CAPN14: variants seen among roughly 807,000 people sequenced by gnomAD.
The protein encoded by CAPN14 is calpain 14, also known as calpain-14.
CAPN14 carries 94 observed loss-of-function variants against 101.3 expected under a neutral mutation model. The observed-to-expected ratio is 0.93, with a 90% CI of 0.79 to 1.10. The LOEUF is 1.10. Ranked by LOEUF, CAPN14 falls within the 50% of genes least tolerant of loss-of-function variation. The probability of loss-of-function intolerance (pLI) is 0.00; values close to 1 mark genes in which losing one functional copy is unlikely to be tolerated. For synonymous variants in CAPN14, 338 were observed against 317.9 expected (o/e 1.06, Z -0.67); for missense variants, 837 against 828.4 (o/e 1.01, Z -0.13).
At chr2:31,205,668 C>G (rs1175264016) in intron 1 of CAPN14, among the ~76,000 whole-genome samples, 169 bp from the exon 2 acceptor site, 1 of 152,138 alleles carries the variant, frequency 6.6e-6, no homozygotes, top group East Asian at 1.9e-4. Flanking sequence ...TCCTTGAGCA[C>G]TCACTCAAGT....
chr2:31,193,100 CT>C, intron 10 of CAPN14, 30 bp downstream of exon 10: 3 of 1,535,372 alleles, frequency 2.0e-6, no homozygotes, highest in Non-Finnish European at 2.6e-6. Flanking sequence ...CAACCTCACC[CT>C]GAGAGCCCTG....
chr2:31,176,256 G>C (rs754679516), intron 21 of CAPN14, among the ~76,000 whole-genome samples: 14 of 152,202 alleles, frequency 9.2e-5, no homozygotes, highest in Middle Eastern at 3.2e-3. Context: ...AGCCAGCTGA[G>C]ATCCACTGAC....
At chr2:31,219,618 A>G (rs1006943465), upstream of CAPN14, among the ~76,000 whole-genome samples, 1 of 152,228 alleles carries the variant, frequency 6.6e-6, no homozygotes, top group Non-Finnish European at 1.5e-5. Context: ...GAACCGGAGC[A>G]CTTGCTAGAG....
At chr2:31,227,036 G>A (rs573705467) in intron 1 of CAPN14, among the ~76,000 whole-genome samples, 92 of 152,228 alleles carry the variant, frequency 6.0e-4, no homozygotes, top group African/African-American at 2.1e-3. Context: ...AGATGCCCAC[G>A]CTCTGGAAAC....
At chr2:31,188,287 C>G in intron 14 of CAPN14, 31 bp downstream of exon 14, 1 of 1,544,772 alleles carries the variant, frequency 6.5e-7, no homozygotes, top group Non-Finnish European at 8.8e-7. Context: ...AAAGCAGTCC[C>G]AGCCATATGG....
intron 7 of CAPN14, among the ~76,000 whole-genome samples, chr2:31,198,515 G>C (rs1256878353): frequency 1.3e-5 from 2 of 152,302 alleles, no homozygotes; most frequent in East Asian, 3.9e-4. Context: ...AGGATGAAAT[G>C]AGTCCACGTT....
intron 1 of CAPN14, among the ~76,000 whole-genome samples, chr2:31,213,687 A>AACATTT (rs1682508780): frequency 6.6e-6 from 1 of 152,188 alleles, no homozygotes; most frequent in Admixed American, 6.5e-5. Flanking sequence ...ATAGACCCTT[A>AACATTT]ACATTTACAG....
At chr2:31,178,095 C>T (rs1680403511) in intron 18 of CAPN14, among the ~76,000 whole-genome samples, 1 of 152,182 alleles carries the variant, frequency 6.6e-6, no homozygotes, top group Admixed American at 6.5e-5. Context: ...TTAGTGCAAG[C>T]ACATTATCCA....
At chr2:31,191,894 A>C (rs1347084414) in intron 11 of CAPN14, 41 bp downstream of exon 11, 1 of 1,494,088 alleles carries the variant, frequency 6.7e-7, no homozygotes, top group South Asian at 1.3e-5. Flanking sequence ...GGTGACCCCC[A>C]CGCTTGGTCC....
At chr2:31,196,718 A>G (rs1681486487) in intron 8 of CAPN14, among the ~76,000 whole-genome samples, 1 of 152,188 alleles carries the variant, frequency 6.6e-6, no homozygotes, top group Non-Finnish European at 1.5e-5. Flanking sequence ...ATTAGGCAGA[A>G]ACAACCTAAA....
chr2:31,223,054 T>A (rs1377324112), intron 2 of CAPN14, among the ~76,000 whole-genome samples: 1 of 152,216 alleles, frequency 6.6e-6, no homozygotes, highest in East Asian at 1.9e-4. Context: ...AACCCAGCTA[T>A]GCTGGTGCCG....
chr2:31,216,063 T>C (rs1682631204), intron 1 of CAPN14, among the ~76,000 whole-genome samples: 1 of 152,136 alleles, frequency 6.6e-6, no homozygotes, highest in Admixed American at 6.5e-5. Context: ...ATATTAATAA[T>C]AGTGATAACC....
intron 1 of CAPN14, among the ~76,000 whole-genome samples, chr2:31,210,460 CATAAAATAAAATAAAATAAAAT>C (rs1682340079): frequency 1.3e-5 from 2 of 150,614 alleles, no homozygotes; most frequent in Non-Finnish European, 3.0e-5. Context: ...AAAAATAAAA[CATAAAATAAAATAAAATAAAAT>C]AAAATAAAAG....
chr2:31,180,018 AT>A (rs987821973), intron 17 of CAPN14, among the ~76,000 whole-genome samples: 6 of 152,150 alleles, frequency 3.9e-5, no homozygotes, highest in Non-Finnish European at 7.4e-5. Context: ...TGCCTTTTAC[AT>A]TTTTTTAAGT....
At chr2:31,192,650 C>A (rs1473496611) in intron 10 of CAPN14, among the ~76,000 whole-genome samples, 1 of 152,142 alleles carries the variant, frequency 6.6e-6, no homozygotes, top group African/African-American at 2.4e-5. Context: ...GGAGTCCAGA[C>A]AGGTTTGTCT....
chr2:31,193,400 A>C, intron 9 of CAPN14, 106 bp from the exon 10 acceptor site: 3 of 1,115,346 alleles, frequency 2.7e-6, no homozygotes, highest in Non-Finnish European at 3.8e-6. Context: ...CAGCCCTCTC[A>C]TGGACAAAGA....
At chr2:31,228,844 C>G (rs1231236634) in intron 1 of CAPN14, among the ~76,000 whole-genome samples, 1 of 152,132 alleles carries the variant, frequency 6.6e-6, no homozygotes, top group Non-Finnish European at 1.5e-5. Flanking sequence ...CAAGCTCACA[C>G]AGCAAAGACA....
intron 2 of CAPN14, 37 bp downstream of exon 2, chr2:31,205,185 TG>T (rs1468752148): frequency 3.9e-6 from 6 of 1,528,298 alleles, no homozygotes; most frequent in Non-Finnish European, 4.4e-6. Context: ...CCCTAAACCC[TG>T]GGGAAGGAGG....
At chr2:31,180,340 C>G (rs1680527992) in intron 17 of CAPN14, among the ~76,000 whole-genome samples, 1 of 152,172 alleles carries the variant, frequency 6.6e-6, no homozygotes, top group Admixed American at 6.5e-5. Flanking sequence ...TTACAACCCC[C>G]CTTAGGCTAT....
Sources: gnomAD v4.1 joint callset for allele counts (sites outside exome capture counted in the v4.1 genomes callset) on GRCh38, gnomAD v4.1.1 for gene constraint, MANE v1.5 for transcripts, NCBI Gene and HGNC (gene_info 2026-07-23, HGNC 2026-07-21) for gene names.